The following CLCN6 variants were observed in gnomAD, a reference collection of about 807,000 sequenced individuals.
CLCN6 encodes the protein Cl-/H+ antiporter 6.
A neutral mutation model predicts 109.8 loss-of-function variants in CLCN6; 70 were observed. The observed-to-expected ratio is 0.64, with a 90% CI of 0.53 to 0.78. CLCN6 has a LOEUF of 0.78. CLCN6 is among the 30% of genes least tolerant of loss of function. The pLI, the probability that CLCN6 is intolerant of heterozygous loss-of-function variation, is 0.00. For missense variants in CLCN6, 984 were observed against 1,142.3 expected, an observed-to-expected ratio of 0.86 and a Z score of 2.00; for synonymous variants, 444 against 447.8, an observed-to-expected ratio of 0.99 and a Z score of 0.11.
At chr1:11,810,144 C>G (rs1231481316) in intron 2 of CLCN6, among the ~76,000 whole-genome samples, 2 of 151,992 alleles carry the variant, frequency 1.3e-5, no homozygotes, top group Non-Finnish European at 2.9e-5. Flanking sequence ...ACTAGAAAAC[C>G]CTTCTGTTGA....
Position 11,838,385 on chromosome 1 carries a change from G to A in CLCN6, c.2346G>A (p.Pro782=), listed in dbSNP as rs1296995494. The A allele has an allele frequency of 3.7e-6, 6 of 1,613,856 alleles. 1 individual carries two copies. Among genetic ancestry groups the A allele is most frequent in the South Asian group, 3.3e-5 (3 of 91,048 alleles). The change falls in exon 21 of 23, where the codon CCG becomes CCA. Residue 782 remains proline (P), a synonymous_variant. Transcript: ENST00000346436. The part of the protein sequence containing the change: ...LSYAEMAEDY[P]RYPDIHDLDL... Reference sequence around the variant, plus strand: ...ATGCCGAGATGGCCGAGGACTACCCGCGGTACCCCGACATCCACGACCTGG... The same window carrying A: ...ATGCCGAGATGGCCGAGGACTACCCACGGTACCCCGACATCCACGACCTGG...
At chr1:11,840,030 C>A in intron 22 of CLCN6, 113 bp from the exon 23 acceptor site, 2 of 851,916 alleles carry the variant, frequency 2.3e-6, no homozygotes, top group Non-Finnish European at 4.0e-6. Flanking sequence ...TCTGGCTGTG[C>A]ACTATCCAGG....
intron 8 of CLCN6, among the ~76,000 whole-genome samples, chr1:11,825,718 G>A (rs1644803243): frequency 6.6e-6 from 1 of 152,206 alleles, no homozygotes; most frequent in Non-Finnish European, 1.5e-5. Context: ...CGCCTCCTGG[G>A]TTCAAGCGAT....
intron 7 of CLCN6, among the ~76,000 whole-genome samples, 161 bp downstream of exon 7, chr1:11,823,994 C>T (rs575631999): frequency 1.3e-5 from 2 of 152,350 alleles, no homozygotes; most frequent in East Asian, 1.9e-4. Flanking sequence ...AGACACTGTT[C>T]GTATGTTACC....
chr1:11,809,250 C>T (rs1444065127), intron 2 of CLCN6, among the ~76,000 whole-genome samples: 5 of 152,226 alleles, frequency 3.3e-5, no homozygotes, highest in African/African-American at 9.6e-5. Flanking sequence ...GTTCTGTCAC[C>T]TTGCACTCCC....
At chr1:11,835,833 G>A in intron 17 of CLCN6, 134 bp from the exon 18 acceptor site, 1 of 648,146 alleles carries the variant, frequency 1.5e-6, no homozygotes, top group Non-Finnish European at 2.7e-6. Flanking sequence ...TCGGGTTTGA[G>A]GGAGAGCTGG....
intron 12 of CLCN6, 79 bp from the exon 13 acceptor site, chr1:11,829,117 G>A (rs993028843): frequency 6.5e-7 from 1 of 1,547,706 alleles, no homozygotes; most frequent in Non-Finnish European, 8.8e-7. Flanking sequence ...GGGGCTGGGG[G>A]TAGGCAGGGT....
intron 20 of CLCN6, among the ~76,000 whole-genome samples, chr1:11,837,820 A>G (rs139115631): frequency 1.5e-4 from 23 of 152,070 alleles, no homozygotes; most frequent in Admixed American, 1.4e-3. Context: ...CACAGCCCCC[A>G]TCCTCGCCAC....
In CLCN6 at chr1:11,827,238, G is replaced by T; in HGVS notation, c.840+17G>T. On this transcript the variant is annotated intron_variant, in intron 10 of 22. Transcript: ENST00000346436. ...TGGAAAGTGGTGAGGAGGACCTTCA[G>T]TGAAAGCATTAACCACACCCCCCGA... The T allele has an allele frequency of 1.2e-6, 2 of 1,605,998 alleles. No homozygotes were observed. Among genetic ancestry groups the T allele is most frequent in the Non-Finnish European group, 1.7e-6 (2 of 1,175,172 alleles).
intron 2 of CLCN6, among the ~76,000 whole-genome samples, chr1:11,815,346 C>T (rs549193916): frequency 6.6e-6 from 1 of 152,192 alleles, no homozygotes; most frequent in Non-Finnish European, 1.5e-5. Context: ...TAATGTGCAT[C>T]TGAGTCATCT....
At chr1:11,829,559 T>C (rs1644854692) in intron 13 of CLCN6, among the ~76,000 whole-genome samples, 1 of 151,052 alleles carries the variant, frequency 6.6e-6, no homozygotes, top group African/African-American at 2.4e-5. Context: ...GAGGGGAACC[T>C]GGGAACAACC....
chr1:11,828,187 C>T lies in CLCN6; in HGVS notation c.922C>T (p.Leu308Phe). ...IQFGSWGSFQLPGLLNFGEFK... is the reference protein window; with the variant it reads ...IQFGSWGSFQFPGLLNFGEFK... ...GTTTGGAAGCTGGGGTTCCTTCCAG[C>T]TCCCTGGATTGCTGAACTTTGGCGA... The change falls in exon 11 of 23, where the codon CTC becomes TTC. Residue 308 changes from leucine to phenylalanine, a missense_variant. Coordinates refer to ENST00000346436, the MANE Select transcript of CLCN6 (RefSeq NM_001286.5). 1 of 1,614,128 alleles carries T rather than the reference C, an allele frequency of 6.2e-7. No individual in the cohort carries two copies. Among genetic ancestry groups the T allele is most frequent in the East Asian group, 2.2e-5 (1 of 44,882 alleles).
intron 2 of CLCN6, among the ~76,000 whole-genome samples, chr1:11,807,548 CCTTGCTTCTCTTCTAGGAGAG>C (rs1644534169): frequency 6.6e-6 from 1 of 152,164 alleles, no homozygotes; most frequent in South Asian, 2.1e-4. Flanking sequence ...GTTAAGGAGG[CCTTGCTTCTCTTCTAGGAGAG>C]CTTGCTTTTC....
Position 11,837,463 on chromosome 1 carries a change from G to A in CLCN6, c.2259G>A (p.Leu753=), listed in dbSNP as rs1644965339. The A allele has an allele frequency of 1.1e-5, 18 of 1,614,098 alleles. No individual in the cohort carries two copies. Among genetic ancestry groups the A allele is most frequent in the Non-Finnish European group, 1.4e-5 (17 of 1,179,966 alleles). ...GLILRSQLVT[L]LVRGVCYSES... is the part of the protein sequence containing the mutation. The stretch of plus-strand genomic sequence containing the variant: ...TCCTTCGGTCGCAGCTTGTCACCCT[G>A]CTTGTCCGAGGAGTTTGTTACTCTG... Residue 753 remains leucine, a synonymous_variant, in exon 20 of 23, where the codon CTG becomes CTA. Coordinates refer to ENST00000346436, the MANE Select transcript of CLCN6 (RefSeq NM_001286.5).
Position 11,806,339 on chromosome 1 carries a change from C to T in CLCN6, c.77C>T (p.Pro26Leu). ...TGCGGTGAGCGTGAGACCCGCACCC[C>T]CGAGGAGCTGGTAAGAAGCCGGCGG... The part of the protein sequence containing the change: ...CCCGERETRT[P>L]EELTILGETQ... The change falls in exon 1 of 23, where the codon CCC (proline) becomes CTC (leucine). Residue 26 changes from proline to leucine, a missense_variant. Pro to Leu is a moderately conservative substitution (Grantham distance 98, BLOSUM62 -3). Coordinates refer to ENST00000346436, the MANE Select transcript of CLCN6 (RefSeq NM_001286.5). The T allele has an allele frequency of 2.0e-6, 3 of 1,516,850 alleles. No homozygotes were observed. The highest frequency in any genetic ancestry group is 1.3e-5 in the South Asian group (1 of 76,340). 94.0% of individuals were successfully genotyped at this position (1,516,850 alleles called of 1,614,324 possible).
intron 2 of CLCN6, among the ~76,000 whole-genome samples, chr1:11,808,243 G>GTT (rs1368310645): frequency 8.1e-6 from 1 of 123,194 alleles, no homozygotes; most frequent in African/African-American, 2.9e-5. Flanking sequence ...GTGTGTGTGT[G>GTT]TGTGTGTGTG....
intron 2 of CLCN6, among the ~76,000 whole-genome samples, chr1:11,807,821 C>T (rs76351797): frequency 0.025 from 3,752 of 152,166 alleles, 69 homozygotes; most frequent in Non-Finnish European, 0.038. Context: ...ACATCCTTAC[C>T]CATGCTTTTA....
chr1:11,829,019 C>G (rs1644848281), intron 12 of CLCN6, among the ~76,000 whole-genome samples, 177 bp from the exon 13 acceptor site: 1 of 152,194 alleles, frequency 6.6e-6, no homozygotes, highest in Non-Finnish European at 1.5e-5. Flanking sequence ...TTTTTACAAA[C>G]AAATTGCTGG....
At chr1:11,822,574 A>G (rs905937634) in intron 5 of CLCN6, 121 bp from the exon 6 acceptor site, 1 of 600,778 alleles carries the variant, frequency 1.7e-6, no homozygotes, top group Admixed American at 2.7e-5. Flanking sequence ...ATTTTTATAT[A>G]TAGAGAAAAA....
Sources: allele counts gnomAD v4.1 joint callset (sites outside exome capture counted in the v4.1 genomes callset), GRCh38; gene constraint gnomAD v4.1.1; transcripts MANE v1.5; gene names NCBI Gene and HGNC (gene_info 2026-07-23, HGNC 2026-07-21).